EIF4G1: variants seen among roughly 807,000 people sequenced by gnomAD.
EIF4G1 encodes eukaryotic translation initiation factor 4 gamma 1.
EIF4G1 carries 4 observed loss-of-function variants against 187.8 expected under a neutral mutation model. The ratio of observed to expected loss-of-function variants is 0.02; its 90% CI spans 0.01 to 0.05. The LOEUF (loss-of-function observed/expected upper bound fraction) is 0.05, where lower values mean the gene tolerates loss of function less well. Ranked by LOEUF, EIF4G1 falls within the 10% of genes least tolerant of loss-of-function variation. The pLI is 1.00. For missense variants in EIF4G1, 1,647 were observed against 2,081.1 expected, an observed-to-expected ratio of 0.79 and a Z score of 4.06; for synonymous variants, 844 against 781.4, an observed-to-expected ratio of 1.08 and a Z score of -1.34.
At position 184,334,991 on chromosome 3, in the gene EIF4G1, A is replaced by G. The variant is rs1284340978; in HGVS notation, c.*83A>G. Reference sequence around the variant, plus strand: ...GCCTGGACTGCAGGGGGGCGGCAGCAGCGGCGGTGGCAGTGGGTGCCTGTA... The same window carrying G: ...GCCTGGACTGCAGGGGGGCGGCAGCGGCGGCGGTGGCAGTGGGTGCCTGTA... On this transcript the variant is annotated 3_prime_UTR_variant, in exon 33 of 33. Transcript: ENST00000346169. This position sits in a 1 kb window ranked among gnomAD's most constrained non-coding sequence, Gnocchi z 5.8. The G allele has an allele frequency of 6.4e-7, 1 of 1,569,662 alleles. No individual in the cohort carries two copies. The highest frequency in any genetic ancestry group is 1.4e-5 in the African/African-American group (1 of 74,002).
intron 24 of EIF4G1, 37 bp downstream of exon 24, chr3:184,327,485 G>A: frequency 6.2e-7 from 1 of 1,612,162 alleles, no homozygotes; most frequent in Non-Finnish European, 8.5e-7. Flanking sequence ...GAAAGGCATT[G>A]GCTGCCTTGG....
Position 184,331,767 on chromosome 3 carries a change from G to C in EIF4G1, c.4435G>C (p.Val1479Leu), listed in dbSNP as rs771582218. ...SEQQIVSNTLVRALMTAVCYS... is the reference protein window; with the variant it reads ...SEQQIVSNTLLRALMTAVCYS... Reference sequence around the variant, plus strand: ...GCAGCAGATAGTATCCAACACGTTAGTTCGAGCCCTCATGACGGCTGTCTG... The same window carrying C: ...GCAGCAGATAGTATCCAACACGTTACTTCGAGCCCTCATGACGGCTGTCTG... The change falls in exon 31 of 33, where the codon GTT becomes CTT. Residue 1479 changes from valine (V) to leucine (L), a missense_variant. Physicochemically the swap from Val to Leu is conservative, Grantham distance 32. This residue lies in a region of EIF4G1 where 543 missense variants were observed against 638.0 expected (regional missense o/e 0.85). Transcript: ENST00000346169. 13 of 1,614,212 alleles carry C rather than the reference G, an allele frequency of 8.1e-6. No individual in the cohort carries two copies. Among genetic ancestry groups the C allele is most frequent in the Middle Eastern group, 1.6e-4 (1 of 6,062 alleles).
At chr3:184,320,356 TGG>T in intron 7 of EIF4G1, 1 of 1,358,980 alleles carries the variant, frequency 7.4e-7, no homozygotes, top group South Asian at 1.5e-5. Context: ...GCCACTGACT[TGG>T]GGACTGCTGG....
rs773375468 is a variant in EIF4G1 at position 184,327,317 on chromosome 3, C to T, written c.3530C>T (p.Ala1177Val). Reference sequence around the variant, plus strand: ...GACCGTGGGGACCGGCTTGATCGTGCGCGGACACCTGCTACCAAGCGGAGC... The same window carrying T: ...GACCGTGGGGACCGGCTTGATCGTGTGCGGACACCTGCTACCAAGCGGAGC... Reference protein sequence around the residue: ...GGDRGDRLDRARTPATKRSFS... With the variant: ...GGDRGDRLDRVRTPATKRSFS... The change falls in exon 24 of 33, where the codon GCG (alanine) becomes GTG (valine). Residue 1177 changes from alanine (A) to valine (V), a missense_variant. This residue lies in a region of EIF4G1 where 543 missense variants were observed against 638.0 expected (regional missense o/e 0.85). Transcript: ENST00000346169. The T allele has an allele frequency of 8.7e-6, 14 of 1,613,580 alleles. No homozygotes were observed. Among genetic ancestry groups the T allele is most frequent in the African/African-American group, 6.7e-5 (5 of 74,926 alleles).
rs755374603 is a variant in EIF4G1, at chr3:184,327,275, G to A, written c.3488G>A (p.Arg1163Gln). ...KAGDRGDRLE[R>Q]SERGGDRGDR... ...GGAGACCGAGGAGACCGCCTAGAGC[G>A]GAGTGAACGGGGAGGGGACCGTGGG... The change falls in exon 24 of 33, where the codon CGG becomes CAG. Residue 1163 changes from arginine to glutamine, a missense_variant. By Grantham distance (43) the Arg-to-Gln change is conservative. Around this residue, in one of 11 missense-constraint regions of EIF4G1, gnomAD observed 543 missense variants for 638.0 expected, o/e 0.85. Coordinates refer to ENST00000346169, the MANE Select transcript of EIF4G1 (RefSeq NM_198241.3). 5.0e-6 allele frequency: 8 copies of A among 1,613,646 alleles called. No individual in the cohort carries two copies. Among genetic ancestry groups the A allele is most frequent in the Non-Finnish European group, 6.8e-6 (8 of 1,180,056 alleles).
intron 17 of EIF4G1, 35 bp downstream of exon 17, chr3:184,324,382 C>T: frequency 6.2e-7 from 1 of 1,613,944 alleles, no homozygotes; most frequent in Non-Finnish European, 8.5e-7. Context: ...CCACTCACCA[C>T]TTACCTCCTT....
intron 6 of EIF4G1, among the ~76,000 whole-genome samples, chr3:184,319,426 G>GGGGT (rs1553846607): frequency 8.9e-6 from 1 of 112,876 alleles, no homozygotes; most frequent in Non-Finnish European, 1.8e-5. Flanking sequence ...GCCTACGAGG[G>GGGGT]GTGTGTGTGT....
At position 184,325,276 on chromosome 3, in the gene EIF4G1, T is replaced by C. The variant is rs1310467182; in HGVS notation, c.2864T>C (p.Met955Thr). ...DLDFEKAKPRMDQYFNQMEKI... is the reference protein window; with the variant it reads ...DLDFEKAKPRTDQYFNQMEKI... ...TGCCTTTCTCCTTCCTAGCCCCGAA[T>C]GGATCAGTATTTCAACCAGATGGAA... Residue 955 changes from methionine to threonine, a missense_variant, in exon 19 of 33, where the codon ATG becomes ACG. Coordinates refer to ENST00000346169, the MANE Select transcript of EIF4G1 (RefSeq NM_198241.3). This position sits in a 1 kb window ranked among gnomAD's most constrained non-coding sequence, Gnocchi z 5.2. 2.5e-6 allele frequency: 4 copies of C among 1,614,144 alleles called. No homozygotes were observed. Among genetic ancestry groups the C allele is most frequent in the Non-Finnish European group, 3.4e-6 (4 of 1,180,042 alleles).
chr3:184,317,382 C>T lies in EIF4G1; in HGVS notation c.209C>T (p.Ala70Val). 1 of 1,614,096 alleles carries T rather than the reference C, an allele frequency of 6.2e-7. No homozygotes were observed. Among genetic ancestry groups the T allele is most frequent in the Non-Finnish European group, 8.5e-7 (1 of 1,180,024 alleles). The change falls in exon 5 of 33, where the codon GCC (alanine) becomes GTC (valine). Residue 70 changes from alanine (A) to valine (V), a missense_variant. Transcript: ENST00000346169. ...GCAGCCTCCCGAGTGCAGAGTGCAG[C>T]CCCTGCCCGCCCTGGCCCAGCTGCC... ...SSAASRVQSA[A>V]PARPGPAAHV...
intron 7 of EIF4G1, 100 bp from the exon 8 acceptor site, chr3:184,320,530 G>A (rs775010711): frequency 5.0e-5 from 80 of 1,600,866 alleles, no homozygotes; most frequent in South Asian, 3.6e-4. Flanking sequence ...CCTGCTTCCC[G>A]CTGGGGGGTG....
Position 184,323,285 on chromosome 3 carries a change from GT to G in EIF4G1, c.2088+45del. 1 of 1,613,458 alleles carries G rather than the reference GT, an allele frequency of 6.2e-7. No homozygotes were observed. Among genetic ancestry groups the G allele is most frequent in the South Asian group, 1.1e-5 (1 of 91,068 alleles). On this transcript the variant is annotated intron_variant, in intron 14 of 32. Coordinates refer to ENST00000346169, the MANE Select transcript of EIF4G1 (RefSeq NM_198241.3). The surrounding 1 kb of genome is among the most constrained non-coding windows in gnomAD (Gnocchi z 6.9). ...AGTGGCAGGTGGGCAAGGAGTGGGA[GT>G]GGATGATTCCGTGTCTCAGTGCCCG...
chr3:184,322,306 G>A, intron 10 of EIF4G1, 56 bp from the exon 11 acceptor site: 2 of 1,554,426 alleles, frequency 1.3e-6, no homozygotes, highest in South Asian at 1.1e-5. Context: ...GGGATTAAGG[G>A]TACTCCTTAA....
At position 184,325,838 on chromosome 3, in the gene EIF4G1, CTT is replaced by C; in HGVS notation, c.3122-9_3122-8del. 1 of 1,614,090 alleles carries C rather than the reference CTT, an allele frequency of 6.2e-7. No individual in the cohort carries two copies. The highest frequency in any genetic ancestry group is 8.5e-7 in the Non-Finnish European group (1 of 1,180,016). ...TTATTCATTATTCCAGTATGCCCCT[CTT>C]TTTGTGTCAGGCCGTGGACTTCCCC... On this transcript the variant is annotated splice_polypyrimidine_tract_variant and intron_variant, in intron 20 of 32. Coordinates refer to ENST00000346169, the MANE Select transcript of EIF4G1 (RefSeq NM_198241.3). This position sits in a 1 kb window ranked among gnomAD's most constrained non-coding sequence, Gnocchi z 5.2.
At position 184,319,739 on chromosome 3, in the gene EIF4G1, G is replaced by T. The variant is rs1194803734; in HGVS notation, c.475G>T (p.Ala159Ser). 1.2e-6 allele frequency: 2 copies of T among 1,607,242 alleles called. No homozygotes were observed. Among genetic ancestry groups the T allele is most frequent in the Admixed American group, 3.4e-5 (2 of 58,810 alleles). Reference protein sequence around the residue: ...QGVQQFPTGVAPTPVLMNQPP... With the variant: ...QGVQQFPTGVSPTPVLMNQPP... Reference sequence around the variant, plus strand: ...GGTGCAGCAGTTTCCCACTGGCGTGGCCCCCACCCCAGTTTTGATGAACCA... The same window carrying T: ...GGTGCAGCAGTTTCCCACTGGCGTGTCCCCCACCCCAGTTTTGATGAACCA... Residue 159 changes from alanine to serine, a missense_variant, in exon 7 of 33, where the codon GCC becomes TCC. Around this residue, in one of 11 missense-constraint regions of EIF4G1, gnomAD observed 139 missense variants for 187.3 expected, o/e 0.74. Transcript: ENST00000346169.
In EIF4G1 at chr3:184,323,383, C is replaced by G. The variant is rs548536167; in HGVS notation, c.2089-25C>G. On this transcript the variant is annotated intron_variant, in intron 14 of 32. Coordinates refer to ENST00000346169, the MANE Select transcript of EIF4G1 (RefSeq NM_198241.3). This position sits in a 1 kb window ranked among gnomAD's most constrained non-coding sequence, Gnocchi z 6.9. ...TGTGCTGACTAGTTCCATGTCCCCT[C>G]TTGTCTTCATCCCTTGCTTAGCAGG... The G allele has an allele frequency of 4.7e-5, 76 of 1,614,108 alleles. No individual in the cohort carries two copies. The East Asian group carries it at 1.6e-3, about 34-fold the overall frequency.
chr3:184,322,412 AAGG>A lies in EIF4G1; in HGVS notation c.1574_1576del (p.Glu525del), dbSNP rs773449286. On this transcript the variant is annotated inframe_deletion, in exon 11 of 33. Coordinates refer to ENST00000346169, the MANE Select transcript of EIF4G1 (RefSeq NM_198241.3). ...ACGGAAAATTAAGGAGCTAAATAAG[AAGG>A]AGGCTGTTGGAGACCTTCTGGATGC... 3.7e-6 allele frequency: 6 copies of A among 1,614,188 alleles called. No individual in the cohort carries two copies. Among genetic ancestry groups the A allele is most frequent in the Non-Finnish European group, 5.1e-6 (6 of 1,180,032 alleles).
Position 184,331,798 on chromosome 3 carries a change from C to T in EIF4G1, c.4466C>T (p.Ser1489Phe), listed in dbSNP as rs759685710. Residue 1489 changes from serine (S) to phenylalanine (F), a missense_variant, in exon 31 of 33, where the codon TCT (serine) becomes TTT (phenylalanine). Physicochemically the swap from Ser to Phe is radical, Grantham distance 155 (BLOSUM62 -2). Transcript: ENST00000346169. The stretch of plus-strand genomic sequence containing the variant: ...GCCCTCATGACGGCTGTCTGCTATT[C>T]TGCAATTATTTGTAAGAGGAACCAG... ...VRALMTAVCY[S>F]AIIFETPLRV... is the part of the protein sequence containing the mutation. 9 of 1,614,156 alleles carry T rather than the reference C, an allele frequency of 5.6e-6. No individual in the cohort carries two copies. In the South Asian group the frequency reaches 9.9e-5, roughly 18 times the overall value.
Position 184,322,723 on chromosome 3 carries a change from T to C in EIF4G1, c.1788T>C (p.Tyr596=). Residue 596 remains tyrosine, a synonymous_variant, in exon 12 of 33, where the codon TAT becomes TAC. Coordinates refer to ENST00000346169, the MANE Select transcript of EIF4G1 (RefSeq NM_198241.3). ...AGCCCGGGGAACAGAAGTATGAATA[T>C]AAGTCAGGTATGCTGAAGAAAGGGT... ...NIQPGEQKYE[Y]KSDQWKPLNL... 1 of 1,614,218 alleles carries C rather than the reference T, an allele frequency of 6.2e-7. No homozygotes were observed. Among genetic ancestry groups the C allele is most frequent in the Non-Finnish European group, 8.5e-7 (1 of 1,180,046 alleles).
chr3:184,331,978 C>T lies in EIF4G1; in HGVS notation c.4510C>T (p.Leu1504=), dbSNP rs74627110. The part of the protein sequence containing the change: ...ETPLRVDVAV[L]KARAKLLQKY... ...TCCCCTCCGAGTGGACGTTGCAGTG[C>T]TGAAAGCGCGAGCGAAGCTGCTGCA... is the stretch of plus-strand genomic sequence containing the variant. Residue 1504 remains leucine (L), a synonymous_variant, in exon 32 of 33, where the codon CTG becomes TTG. Transcript: ENST00000346169. 8.4e-4 allele frequency: 1,358 copies of T among 1,614,186 alleles called. 13 individuals carry two copies. The African/African-American group carries it at 0.017, about 20-fold the overall frequency.
Sources: gnomAD v4.1 joint callset for allele counts (sites outside exome capture counted in the v4.1 genomes callset) on GRCh38, gnomAD v4.1.1 for gene constraint, gnomAD v4.1.1 regional missense constraint, Gnocchi (gnomAD v3.1) non-coding constraint, MANE v1.5 for transcripts, NCBI Gene and HGNC (gene_info 2026-07-23, HGNC 2026-07-21) for gene names.